ELMO1: variants seen among roughly 807,000 people sequenced by gnomAD.
ELMO1 encodes engulfment and cell motility protein 1.
ELMO1 carries 26 observed loss-of-function variants against 98.9 expected under a neutral mutation model. That is an observed-to-expected ratio of 0.26 (90% confidence interval 0.19 to 0.36). ELMO1 has a LOEUF of 0.36. Among genes scored for constraint, ELMO1 ranks in the 10% least tolerant of loss-of-function variants. The pLI is 1.00. For missense variants in ELMO1, 627 were observed against 935.2 expected (o/e 0.67, Z 4.30); for synonymous variants, 346 against 346.0 (o/e 1.00, Z 0.00).
In ELMO1 at chr7:37,264,283, A is replaced by G. The variant is rs963277071; in HGVS notation, c.244-4933T>C. Among the ~76,000 whole-genome samples the G allele has an allele frequency of 2.7e-5, 4 of 148,830 alleles. No individual in the cohort carries two copies. The Admixed American group carries it at 2.7e-4, about 10-fold the overall frequency. The stretch of plus-strand genomic sequence containing the variant: ...AATGAATGTACAAATGAATACACAT[A>G]TATATATGAATGCATAAATGAATAT... On this transcript the variant is annotated intron_variant, in intron 5 of 21. Coordinates refer to ENST00000310758, the MANE Select transcript of ELMO1 (RefSeq NM_014800.11).
intron 15 of ELMO1, among the ~76,000 whole-genome samples, chr7:37,049,872 G>A (rs558929984): frequency 3.3e-5 from 5 of 150,664 alleles, no homozygotes; most frequent in Non-Finnish European, 5.9e-5. Flanking sequence ...CCGACTCCCA[G>A]GTTCAAGCGA....
intron 1 of ELMO1, among the ~76,000 whole-genome samples, chr7:37,408,144 G>GA (rs1174075453): frequency 6.6e-6 from 1 of 152,144 alleles, no homozygotes; most frequent in Non-Finnish European, 1.5e-5. Flanking sequence ...CCATACTAAA[G>GA]AAATAGCTAT....
intron 4 of ELMO1, among the ~76,000 whole-genome samples, chr7:37,314,264 A>G (rs1799036230): frequency 3.3e-5 from 5 of 152,164 alleles, no homozygotes; most frequent in Admixed American, 3.3e-4. Flanking sequence ...TATGCACTCA[A>G]TAAATTCCAG....
chr7:36,976,823 T>C (rs935524333), intron 16 of ELMO1, among the ~76,000 whole-genome samples: 2 of 152,268 alleles, frequency 1.3e-5, no homozygotes, highest in Admixed American at 1.3e-4. Context: ...TAATTATCCA[T>C]GCCTTCCTTT....
intron 14 of ELMO1, among the ~76,000 whole-genome samples, chr7:37,100,864 C>T (rs1247570742): frequency 1.3e-5 from 2 of 152,212 alleles, no homozygotes; most frequent in Non-Finnish European, 2.9e-5. Flanking sequence ...ACAAAGGTGC[C>T]GCCAACTAGG....
intron 13 of ELMO1, among the ~76,000 whole-genome samples, chr7:37,149,124 T>C (rs1363973039): frequency 2.0e-5 from 3 of 152,226 alleles, no homozygotes; most frequent in African/African-American, 7.2e-5. Flanking sequence ...AAGCTGCAGC[T>C]GTTACACATG....
chr7:37,434,706 C>T (rs768330650), intron 1 of ELMO1, among the ~76,000 whole-genome samples: 1 of 152,168 alleles, frequency 6.6e-6, no homozygotes, highest in Admixed American at 6.5e-5. Flanking sequence ...CAGTCTAATC[C>T]ACGCTGGAGT....
At chr7:37,077,522 C>T (rs1420296295) in intron 15 of ELMO1, among the ~76,000 whole-genome samples, 1 of 152,176 alleles carries the variant, frequency 6.6e-6, no homozygotes, top group South Asian at 2.1e-4. Flanking sequence ...AAAAAATACA[C>T]AGTTGCAGGA....
chr7:37,094,235 G>A (rs1464446498), intron 15 of ELMO1, among the ~76,000 whole-genome samples: 1 of 152,232 alleles, frequency 6.6e-6, no homozygotes, highest in African/African-American at 2.4e-5. Context: ...CCAGGCCTGA[G>A]TGAGTTGTGG....
intron 16 of ELMO1, among the ~76,000 whole-genome samples, chr7:36,956,834 C>T (rs767395470): frequency 2.6e-5 from 4 of 152,194 alleles, no homozygotes; most frequent in Admixed American, 6.5e-5. Context: ...TTGATTACAA[C>T]GCCGGAAAAA....
intron 14 of ELMO1, among the ~76,000 whole-genome samples, chr7:37,124,285 C>G (rs947064066): frequency 1.3e-5 from 2 of 152,016 alleles, no homozygotes; most frequent in Non-Finnish European, 2.9e-5. Context: ...TTCTGCCTAG[C>G]GCAATCAGGC....
In ELMO1 at chr7:37,206,005, T is replaced by C. The variant is rs552532556; in HGVS notation, c.1086+5381A>G. Among the ~76,000 whole-genome samples, 7 of 152,200 alleles carry C rather than the reference T, an allele frequency of 4.6e-5. No homozygotes were observed. The South Asian group carries it at 1.2e-3, about 27-fold the overall frequency. ...GACCTGCAGTTTCCCAAGCACCCAGTGTTCTTTCACCTTTAACTGTTACTT... is the reference window on the plus strand; with the variant it reads ...GACCTGCAGTTTCCCAAGCACCCAGCGTTCTTTCACCTTTAACTGTTACTT... On this transcript the variant is annotated intron_variant, in intron 13 of 21. Transcript: ENST00000310758.
chr7:37,435,756 C>T (rs894584868), intron 1 of ELMO1, among the ~76,000 whole-genome samples: 20 of 152,282 alleles, frequency 1.3e-4, no homozygotes, highest in Non-Finnish European at 2.4e-4. Flanking sequence ...AATTATATGA[C>T]AACGCTTATG....
At chr7:37,323,745 T>C (rs1449822938) in intron 2 of ELMO1, among the ~76,000 whole-genome samples, 1 of 152,170 alleles carries the variant, frequency 6.6e-6, no homozygotes, top group Non-Finnish European at 1.5e-5. Context: ...TTCTATATTC[T>C]TTTTCCTTTG....
At chr7:37,403,363 C>T (rs1053400903) in intron 1 of ELMO1, among the ~76,000 whole-genome samples, 1 of 152,088 alleles carries the variant, frequency 6.6e-6, no homozygotes, top group Non-Finnish European at 1.5e-5. Context: ...TTGAGACCAG[C>T]CTGGGCAACA....
intron 19 of ELMO1, among the ~76,000 whole-genome samples, chr7:36,873,644 C>T (rs1803716648): frequency 6.6e-6 from 1 of 152,192 alleles, no homozygotes; most frequent in South Asian, 2.1e-4. Flanking sequence ...CTTCTTCTTC[C>T]ACTGCATGTT....
chr7:37,188,499 A>T (rs1584783108), intron 13 of ELMO1, among the ~76,000 whole-genome samples: 1 of 55,226 alleles, frequency 1.8e-5, no homozygotes, highest in African/African-American at 4.8e-5. Context: ...AAAAAAAAAA[A>T]AAAATAATAA....
intron 1 of ELMO1, among the ~76,000 whole-genome samples, chr7:37,365,363 C>T (rs1801864262): frequency 6.6e-6 from 1 of 152,190 alleles, no homozygotes; most frequent in African/African-American, 2.4e-5. Flanking sequence ...TTCCGAGCTC[C>T]ACAGAGTCAA....
rs140548897 is a variant in ELMO1 at position 36,871,883 on chromosome 7, T to C, written c.1823-1408A>G. 3.2e-3 allele frequency among the ~76,000 whole-genome samples: 485 copies of C among 152,298 alleles called. 2 individuals are homozygous for C. Among genetic ancestry groups the C allele is most frequent in the African/African-American group, 0.011 (450 of 41,552 alleles). ...GGTACCCTAAAATTACTAACAACTT[T>C]GTCCATATCTGTTGACACTCTTAGG... On this transcript the variant is annotated intron_variant, in intron 19 of 21. Coordinates refer to ENST00000310758, the MANE Select transcript of ELMO1 (RefSeq NM_014800.11).
Sources: gnomAD v4.1 joint callset for allele counts (sites outside exome capture counted in the v4.1 genomes callset) on GRCh38, gnomAD v4.1.1 for gene constraint, MANE v1.5 for transcripts, NCBI Gene and HGNC (gene_info 2026-07-23, HGNC 2026-07-21) for gene names.